Variants in GUCY1A2 observed in about 807,000 individuals in gnomAD.
GUCY1A2 encodes guanylate cyclase 1 soluble subunit alpha 2.
Under a neutral mutation model 63.5 loss-of-function variants are expected in GUCY1A2, and 27 were observed. The ratio of observed to expected loss-of-function variants is 0.43; its 90% CI spans 0.31 to 0.59. The LOEUF is 0.59. Among genes scored for constraint, GUCY1A2 ranks in the 20% least tolerant of loss-of-function variants. The probability of loss-of-function intolerance (pLI) is 0.11; values close to 1 mark genes in which losing one functional copy is unlikely to be tolerated. For missense variants in GUCY1A2, 768 were observed against 913.3 expected, an observed-to-expected ratio of 0.84 and a Z score of 2.05; for synonymous variants, 364 against 343.5, an observed-to-expected ratio of 1.06 and a Z score of -0.66.
chr11:106,757,569 CCT>C (rs1423811063), intron 6 of GUCY1A2, among the ~76,000 whole-genome samples: 1 of 152,112 alleles, frequency 6.6e-6, no homozygotes, highest in Admixed American at 6.6e-5. Flanking sequence ...TGATGCTATT[CCT>C]CTCTGTTTCT....
chr11:106,771,005 A>G (rs1239591553), intron 6 of GUCY1A2, among the ~76,000 whole-genome samples: 1 of 152,138 alleles, frequency 6.6e-6, no homozygotes, highest in East Asian at 1.9e-4. Flanking sequence ...CTTTGAACTA[A>G]TGAAGAAAAT....
chr11:106,716,716 C>T (rs1331687188), intron 6 of GUCY1A2, among the ~76,000 whole-genome samples: 2 of 139,688 alleles, frequency 1.4e-5, no homozygotes, highest in Admixed American at 7.9e-5. Flanking sequence ...TTGTAGTGAG[C>T]CGAGATCACG....
intron 5 of GUCY1A2, among the ~76,000 whole-genome samples, chr11:106,784,774 G>A (rs1864527886): frequency 6.6e-6 from 1 of 152,080 alleles, no homozygotes; most frequent in African/African-American, 2.4e-5. Flanking sequence ...TAATATTCTA[G>A]CAATAATTTT....
intron 4 of GUCY1A2, among the ~76,000 whole-genome samples, chr11:106,870,531 T>G (rs1002597594): frequency 6.6e-6 from 1 of 152,164 alleles, no homozygotes; most frequent in Non-Finnish European, 1.5e-5. Context: ...TTATTTTGTA[T>G]GTTTTTGTTG....
At chr11:106,914,150 T>C (rs1212538887) in intron 4 of GUCY1A2, among the ~76,000 whole-genome samples, 1 of 151,930 alleles carries the variant, frequency 6.6e-6, no homozygotes, top group Admixed American at 6.6e-5. Context: ...GTAGTAAGTA[T>C]ATTACACTGA....
chr11:106,824,270 C>T (rs1004114180), intron 4 of GUCY1A2: 5 of 598,498 alleles, frequency 8.4e-6, no homozygotes, highest in Non-Finnish European at 1.2e-5. Context: ...TCCCCTAGGT[C>T]CAGTTGAACA....
chr11:106,946,421 GT>G (rs1337087323), intron 3 of GUCY1A2, among the ~76,000 whole-genome samples: 1 of 152,012 alleles, frequency 6.6e-6, no homozygotes, highest in Non-Finnish European at 1.5e-5. Flanking sequence ...ACGGATTAAA[GT>G]AAATGTAAAT....
intron 7 of GUCY1A2, among the ~76,000 whole-genome samples, chr11:106,695,376 A>G (rs1862699368): frequency 6.6e-6 from 1 of 152,228 alleles, no homozygotes; most frequent in African/African-American, 2.4e-5. Context: ...TTCTGTTGTT[A>G]CAAATTATTC....
chr11:106,859,701 C>T lies in GUCY1A2; in HGVS notation c.1207-49223G>A, dbSNP rs186945870. ...AGTCAATGACCGACCACTTACACAA[C>T]GGTGGTCCCATAAGATAATACCATA... is the stretch of plus-strand genomic sequence containing the variant. On this transcript the variant is annotated intron_variant, in intron 4 of 7. Coordinates refer to ENST00000526355, the MANE Select transcript of GUCY1A2 (RefSeq NM_000855.3). 1.4e-3 allele frequency among the ~76,000 whole-genome samples: 218 copies of T among 152,062 alleles called. 6 individuals are homozygous for T. In the South Asian group the frequency reaches 0.043, roughly 30 times the overall value.
chr11:106,790,041 TAAAAGCA>T (rs1864630504), intron 5 of GUCY1A2, among the ~76,000 whole-genome samples: 1 of 152,184 alleles, frequency 6.6e-6, no homozygotes, highest in Non-Finnish European at 1.5e-5. Context: ...CCTTGGGCTC[TAAAAGCA>T]GCAGGTGGCA....
intron 7 of GUCY1A2, among the ~76,000 whole-genome samples, chr11:106,696,263 A>G (rs902753915): frequency 6.6e-6 from 1 of 152,236 alleles, no homozygotes; most frequent in African/African-American, 2.4e-5. Flanking sequence ...CAAGGAATTT[A>G]AACTTTAAAA....
chr11:106,957,474 T>C (rs929522340), intron 3 of GUCY1A2, among the ~76,000 whole-genome samples: 7 of 152,068 alleles, frequency 4.6e-5, no homozygotes, highest in Admixed American at 2.0e-4. Context: ...CAGGGTTCTG[T>C]GGAAAAAGCA....
chr11:106,767,056 T>G (rs1407893512), intron 6 of GUCY1A2, among the ~76,000 whole-genome samples: 1 of 152,076 alleles, frequency 6.6e-6, no homozygotes, highest in Non-Finnish European at 1.5e-5. Flanking sequence ...TAAAAATGAG[T>G]GACTTTGCTA....
chr11:106,771,884 C>T (rs1007964078), intron 6 of GUCY1A2, among the ~76,000 whole-genome samples: 1 of 152,154 alleles, frequency 6.6e-6, no homozygotes, highest in African/African-American at 2.4e-5. Flanking sequence ...AAGTTCTACT[C>T]ACTTTTTATA....
chr11:106,997,118 A>T (rs1363909015), intron 1 of GUCY1A2, among the ~76,000 whole-genome samples: 1 of 151,208 alleles, frequency 6.6e-6, no homozygotes, highest in East Asian at 1.9e-4. Flanking sequence ...ACTCTATTAC[A>T]TATTATATTA....
At chr11:106,938,868 T>A (rs1410046451) in intron 4 of GUCY1A2, among the ~76,000 whole-genome samples, 1 of 152,214 alleles carries the variant, frequency 6.6e-6, no homozygotes. Context: ...TAGTCTTCAC[T>A]TTATTCTCTC....
chr11:106,971,588 G>A (rs1315508357), intron 3 of GUCY1A2, among the ~76,000 whole-genome samples: 1 of 152,122 alleles, frequency 6.6e-6, no homozygotes, highest in South Asian at 2.1e-4. Flanking sequence ...AAGCAAGAGG[G>A]AAAGGTTAGA....
chr11:106,986,108 G>T lies in GUCY1A2; in HGVS notation c.327C>A (p.Leu109=). The change falls in exon 2 of 8, where the codon CTC becomes CTA. Residue 109 remains leucine (L), a synonymous_variant. Transcript: ENST00000526355. ...GTTCATAATACTGCAGTGTCCTCTT[G>T]AGAGTCTGCTGTATCGTCTGAGGCT... ...APSPQTIQQT[L]KRTLQYYEHQ... 1 of 1,504,456 alleles carries T rather than the reference G, an allele frequency of 6.6e-7. No individual in the cohort carries two copies. Among genetic ancestry groups the T allele is most frequent in the Non-Finnish European group, 9.3e-7 (1 of 1,080,278 alleles). 93.2% of individuals were successfully genotyped at this position (1,504,456 alleles called of 1,614,324 possible).
intron 6 of GUCY1A2, among the ~76,000 whole-genome samples, chr11:106,771,957 A>G (rs1864265074): frequency 6.6e-6 from 1 of 152,198 alleles, no homozygotes. Flanking sequence ...TAGATAGACC[A>G]TATTTATGAA....
Sources: allele counts gnomAD v4.1 joint callset (sites outside exome capture counted in the v4.1 genomes callset), GRCh38; gene constraint gnomAD v4.1.1; transcripts MANE v1.5; gene names NCBI Gene and HGNC (gene_info 2026-07-23, HGNC 2026-07-21).